The following PCDH9 variants were observed in gnomAD, a reference collection of about 807,000 sequenced individuals.
PCDH9 encodes the protein protocadherin 9.
A neutral mutation model predicts 70.6 loss-of-function variants in PCDH9; 24 were observed. The ratio of observed to expected loss-of-function variants is 0.34; its 90% CI spans 0.25 to 0.48. The LOEUF is 0.48. PCDH9 is among the 20% of genes least tolerant of loss of function. The pLI is 0.99. For missense variants in PCDH9, 1,281 were observed against 1,503.6 expected (o/e 0.85, Z 2.45); for synonymous variants, 562 against 558.5 (o/e 1.01, Z -0.09).
chr13:66,697,518 T>C (rs961146948), intron 3 of PCDH9, among the ~76,000 whole-genome samples: 2 of 152,228 alleles, frequency 1.3e-5, no homozygotes, highest in Non-Finnish European at 2.9e-5. Flanking sequence ...AGACCATTTT[T>C]AATTTAAGAC....
chr13:66,419,894 A>G (rs181525006), intron 4 of PCDH9, among the ~76,000 whole-genome samples: 7 of 152,020 alleles, frequency 4.6e-5, no homozygotes, highest in African/African-American at 7.2e-5. Flanking sequence ...CCCACCCCCT[A>G]TGGAACCTAG....
intron 2 of PCDH9, among the ~76,000 whole-genome samples, chr13:67,008,135 CATA>C (rs1328943224): frequency 6.6e-6 from 1 of 151,950 alleles, no homozygotes; most frequent in African/African-American, 2.4e-5. Context: ...TAAGAAAAAA[CATA>C]ATAATATGGA....
intron 2 of PCDH9, among the ~76,000 whole-genome samples, chr13:67,121,260 G>T (rs1460324338): frequency 6.6e-6 from 1 of 152,176 alleles, no homozygotes; most frequent in Admixed American, 6.5e-5. Context: ...CATCAGTGTA[G>T]TCTGGGACAC....
rs371549835 is a variant in PCDH9, at chr13:66,804,545, G to C, written c.3138+98959C>G. Among the ~76,000 whole-genome samples the C allele has an allele frequency of 1.5e-4, 23 of 152,084 alleles. No individual in the cohort carries two copies. The East Asian group carries it at 4.1e-3, about 27-fold the overall frequency. ...GATTGCAGAATTGCAAGAGAAGCAG[G>C]GTCAATAAACAAACAAATTAATAGG... On this transcript the variant is annotated intron_variant, in intron 3 of 4. Transcript: ENST00000377865.
intron 4 of PCDH9, among the ~76,000 whole-genome samples, chr13:66,623,418 T>G (rs2138910244): frequency 6.6e-6 from 1 of 152,290 alleles, no homozygotes; most frequent in African/African-American, 2.4e-5. Context: ...GCTCACCTGC[T>G]GGCAAGTAGG....
intron 3 of PCDH9, among the ~76,000 whole-genome samples, chr13:66,791,946 C>T (rs1402390636): frequency 6.6e-6 from 1 of 152,038 alleles, no homozygotes; most frequent in East Asian, 1.9e-4. Context: ...GAAGTCAATA[C>T]ATAGTTATTC....
chr13:66,945,520 T>A (rs528011239), intron 2 of PCDH9, among the ~76,000 whole-genome samples: 61 of 152,330 alleles, frequency 4.0e-4, no homozygotes, highest in African/African-American at 1.5e-3. Flanking sequence ...TTTCATATAG[T>A]TTTATTTTAT....
chr13:66,465,884 G>T (rs769735813), intron 4 of PCDH9, among the ~76,000 whole-genome samples: 1 of 151,672 alleles, frequency 6.6e-6, no homozygotes, highest in Non-Finnish European at 1.5e-5. Flanking sequence ...TGAAGCTAAG[G>T]GAAATAATAG....
At chr13:66,635,270 A>C (rs1235288652) in intron 3 of PCDH9, among the ~76,000 whole-genome samples, 1 of 152,126 alleles carries the variant, frequency 6.6e-6, no homozygotes, top group Non-Finnish European at 1.5e-5. Flanking sequence ...CTGTCCAGTT[A>C]ATTGTTTGCA....
intron 4 of PCDH9, among the ~76,000 whole-genome samples, chr13:66,614,651 AG>A (rs1301960616): frequency 2.6e-5 from 4 of 152,220 alleles, no homozygotes; most frequent in African/African-American, 9.7e-5. Flanking sequence ...TGAAGTGTCC[AG>A]AAAAGAGAGG....
At chr13:66,451,339 A>G (rs914686861) in intron 4 of PCDH9, among the ~76,000 whole-genome samples, 2 of 152,180 alleles carry the variant, frequency 1.3e-5, no homozygotes, top group African/African-American at 4.8e-5. Flanking sequence ...GTGTTTTGGT[A>G]TATAATTTAC....
intron 4 of PCDH9, among the ~76,000 whole-genome samples, chr13:66,493,396 G>A (rs1959064468): frequency 6.6e-6 from 1 of 152,110 alleles, no homozygotes; most frequent in East Asian, 1.9e-4. Flanking sequence ...TACAATAACA[G>A]TTGTATTAGT....
rs542175187 is a variant in PCDH9 at position 66,365,951 on chromosome 13, T to C, written c.3341-60923A>G. Among the ~76,000 whole-genome samples the C allele has an allele frequency of 1.3e-4, 20 of 152,262 alleles. No individual in the cohort carries two copies. The South Asian group carries it at 3.5e-3, about 27-fold the overall frequency. The stretch of plus-strand genomic sequence containing the variant: ...ACAAATGTAACTAAGAGAAATCATA[T>C]AATTATATAGGCATAATGGGAGATT... On this transcript the variant is annotated intron_variant, in intron 4 of 4. Coordinates refer to ENST00000377865, the MANE Select transcript of PCDH9 (RefSeq NM_203487.3).
chr13:66,970,644 C>CAAAAAAAAAAAAAAAAAAAAAAAAG (rs67043290), intron 2 of PCDH9, among the ~76,000 whole-genome samples: 1 of 117,070 alleles, frequency 8.5e-6, no homozygotes, highest in Non-Finnish European at 1.7e-5. Context: ...AAAAAAAAAG[C>CAAAAAAAAAAAAAAAAAAAAAAAAG]AAAAAAAAAA....
intron 3 of PCDH9, among the ~76,000 whole-genome samples, chr13:66,743,603 A>G (rs919619379): frequency 1.3e-5 from 2 of 152,148 alleles, no homozygotes; most frequent in Admixed American, 1.3e-4. Context: ...ATAGTTAATA[A>G]CAATGTATTG....
At chr13:66,341,939 C>A (rs1392479522) in intron 4 of PCDH9, among the ~76,000 whole-genome samples, 1 of 152,134 alleles carries the variant, frequency 6.6e-6, no homozygotes, top group Non-Finnish European at 1.5e-5. Context: ...TATAACAGGG[C>A]AAGTGTCCAC....
chr13:66,493,023 C>T (rs538588391), intron 4 of PCDH9, among the ~76,000 whole-genome samples: 93 of 152,046 alleles, frequency 6.1e-4, no homozygotes, highest in African/African-American at 1.8e-3. Context: ...CCCTAAACTG[C>T]GATCTAGACT....
chr13:67,216,316 A>G lies in PCDH9; in HGVS notation c.3036+9089T>C, dbSNP rs76271911. The G allele has an allele frequency of 4.9e-4, 75 of 152,142 alleles. No individual in the cohort carries two copies. In the East Asian group the frequency reaches 0.013, roughly 26 times the overall value. 9.4% of individuals were successfully genotyped at this position (152,142 alleles called of 1,614,324 possible). ...TTGCCATTTAAGACCAAGAATGAAA[A>G]TGAGTTTATGTCATACTAAAATATC... On this transcript the variant is annotated intron_variant, in intron 2 of 4. Transcript: ENST00000377865.
At chr13:67,044,367 T>C (rs2139915257) in intron 2 of PCDH9, among the ~76,000 whole-genome samples, 1 of 152,280 alleles carries the variant, frequency 6.6e-6, no homozygotes, top group South Asian at 2.1e-4. Flanking sequence ...AAAATTCACA[T>C]CACATTTTGT....
Sources: allele counts gnomAD v4.1 joint callset (sites outside exome capture counted in the v4.1 genomes callset), GRCh38; gene constraint gnomAD v4.1.1; transcripts MANE v1.5; gene names NCBI Gene and HGNC (gene_info 2026-07-23, HGNC 2026-07-21).